Variants in PLPPR1 observed in about 807,000 individuals in gnomAD.
PLPPR1 encodes phospholipid phosphatase-related protein type 1.
In PLPPR1, 10 loss-of-function variants were observed where a neutral mutation model predicts 33.1. That is an observed-to-expected ratio of 0.30 (90% CI 0.19 to 0.51). PLPPR1 has a LOEUF of 0.51. PLPPR1 is among the 20% of genes least tolerant of loss of function. PLPPR1 has a pLI of 0.97. For missense variants in PLPPR1, 304 were observed against 408.1 expected (o/e 0.74, Z 2.20); for synonymous variants, 151 against 151.0 (o/e 1.00, Z 0.00).
chr9:101,151,756 G>A (rs1189879520), intron 1 of PLPPR1, among the ~76,000 whole-genome samples: 1 of 152,158 alleles, frequency 6.6e-6, no homozygotes, highest in Non-Finnish European at 1.5e-5. Flanking sequence ...GGTCGAACAT[G>A]GCCTCAGAAT....
intron 1 of PLPPR1, among the ~76,000 whole-genome samples, chr9:101,129,476 C>T (rs1674277499): frequency 6.6e-6 from 1 of 152,142 alleles, no homozygotes; most frequent in Non-Finnish European, 1.5e-5. Flanking sequence ...AAAACCTATC[C>T]ACTTACAGGT....
chr9:101,129,937 A>G (rs1831294819), intron 1 of PLPPR1, among the ~76,000 whole-genome samples: 1 of 152,242 alleles, frequency 6.6e-6, no homozygotes. Flanking sequence ...AATATATATT[A>G]ATAGTATTCC....
intron 1 of PLPPR1, among the ~76,000 whole-genome samples, chr9:101,128,287 A>G (rs117459152): frequency 0.01 from 1,570 of 152,340 alleles, 10 homozygotes; most frequent in Middle Eastern, 0.02. Context: ...CACTGGAATC[A>G]TGATTCTTCC....
intron 1 of PLPPR1, among the ~76,000 whole-genome samples, chr9:101,085,363 G>T (rs768955836): frequency 1.2e-4 from 19 of 152,176 alleles, no homozygotes; most frequent in Non-Finnish European, 2.5e-4. Flanking sequence ...AACTTCAGTT[G>T]CTACCCCTTG....
At chr9:101,089,909 A>C (rs1830722277) in intron 1 of PLPPR1, among the ~76,000 whole-genome samples, 1 of 152,198 alleles carries the variant, frequency 6.6e-6, no homozygotes, top group South Asian at 2.1e-4. Flanking sequence ...GTAACAAAAT[A>C]CCACAAACTT....
intron 1 of PLPPR1, among the ~76,000 whole-genome samples, chr9:101,046,311 C>G (rs1830144958): frequency 6.6e-6 from 1 of 152,112 alleles, no homozygotes; most frequent in Non-Finnish European, 1.5e-5. Flanking sequence ...ACGCCCTCCC[C>G]TTCCCCCAGA....
chr9:101,295,197 C>A (rs1192692171), intron 4 of PLPPR1, among the ~76,000 whole-genome samples: 1 of 151,756 alleles, frequency 6.6e-6, no homozygotes, highest in Non-Finnish European at 1.5e-5. Context: ...AACTCCCATT[C>A]ACAATTGCTT....
intron 1 of PLPPR1, among the ~76,000 whole-genome samples, chr9:101,046,768 A>C (rs1424938828): frequency 6.6e-6 from 1 of 152,176 alleles, no homozygotes; most frequent in East Asian, 1.9e-4. Context: ...TACAAAACCC[A>C]GTAAAACATC....
chr9:101,295,272 C>A (rs1345763864), intron 4 of PLPPR1, among the ~76,000 whole-genome samples: 2 of 151,860 alleles, frequency 1.3e-5, no homozygotes, highest in Non-Finnish European at 2.9e-5. Context: ...TCAAGGAGAA[C>A]TACAAACCGC....
intron 7 of PLPPR1, among the ~76,000 whole-genome samples, chr9:101,321,791 T>TAG (rs1829155255): frequency 6.8e-6 from 1 of 148,142 alleles, no homozygotes; most frequent in African/African-American, 2.5e-5. Context: ...TAATATATAT[T>TAG]TATATACATA....
chr9:101,315,324 A>AGG (rs1829032038), intron 6 of PLPPR1, among the ~76,000 whole-genome samples: 1 of 152,170 alleles, frequency 6.6e-6, no homozygotes, highest in African/African-American at 2.4e-5. Context: ...AGGGTTTCAA[A>AGG]GGGAGATCAA....
chr9:101,231,290 CA>C (rs1043247136), intron 2 of PLPPR1, among the ~76,000 whole-genome samples: 22 of 145,720 alleles, frequency 1.5e-4, no homozygotes, highest in African/African-American at 5.4e-4. Context: ...AAAAAAAAAA[CA>C]AAAAAACTTG....
chr9:101,224,358 G>A (rs1344644450), intron 2 of PLPPR1, among the ~76,000 whole-genome samples: 1 of 152,106 alleles, frequency 6.6e-6, no homozygotes, highest in Admixed American at 6.6e-5. Context: ...TTAGTTCATG[G>A]TGGGGAACAA....
intron 1 of PLPPR1, among the ~76,000 whole-genome samples, chr9:101,036,650 G>A (rs1358708790): frequency 7.0e-5 from 10 of 142,122 alleles, no homozygotes; most frequent in African/African-American, 2.4e-4. Flanking sequence ...AGGTCAGAAG[G>A]TAGAATGGCC....
chr9:101,188,222 T>A (rs969126148), intron 2 of PLPPR1, among the ~76,000 whole-genome samples: 1 of 152,110 alleles, frequency 6.6e-6, no homozygotes, highest in Non-Finnish European at 1.5e-5. Context: ...ATATTCTTAT[T>A]TTTGTCTCTT....
chr9:101,309,577 A>G (rs768250371), intron 5 of PLPPR1, 116 bp downstream of exon 5: 3 of 1,156,626 alleles, frequency 2.6e-6, no homozygotes, highest in Non-Finnish European at 2.4e-6. Flanking sequence ...TATGTATGGC[A>G]TATTTCTCTA....
chr9:101,112,767 A>G (rs1831072324), intron 1 of PLPPR1, among the ~76,000 whole-genome samples: 1 of 152,196 alleles, frequency 6.6e-6, no homozygotes, highest in Non-Finnish European at 1.5e-5. Flanking sequence ...TAACTGTGAA[A>G]CATCTGAGCA....
At chr9:101,236,087 G>A (rs1202344763) in intron 2 of PLPPR1, among the ~76,000 whole-genome samples, 1 of 151,774 alleles carries the variant, frequency 6.6e-6, no homozygotes, top group Admixed American at 6.6e-5. Flanking sequence ...CTGGTAGAGA[G>A]ACTTTAAAGC....
intron 4 of PLPPR1, among the ~76,000 whole-genome samples, chr9:101,298,585 G>T (rs1473299924): frequency 6.6e-6 from 1 of 152,038 alleles, no homozygotes; most frequent in Non-Finnish European, 1.5e-5. Context: ...GATTCAATTA[G>T]TCTATTTCTG....
Sources: allele counts gnomAD v4.1 joint callset (sites outside exome capture counted in the v4.1 genomes callset), GRCh38; gene constraint gnomAD v4.1.1; transcripts MANE v1.5; gene names NCBI Gene and HGNC (gene_info 2026-07-23, HGNC 2026-07-21).